Variants in CC2D1A observed in about 807,000 individuals in gnomAD.
The protein encoded by CC2D1A is coiled-coil and C2 domain-containing protein 1A.
A neutral mutation model predicts 123.8 loss-of-function variants in CC2D1A; 68 were observed. The observed-to-expected ratio is 0.55, with a 90% confidence interval of 0.45 to 0.67. The LOEUF is 0.67. CC2D1A is among the 30% of genes least tolerant of loss of function. The pLI is 0.00. For missense variants in CC2D1A, 1,185 were observed against 1,290.3 expected, an observed-to-expected ratio of 0.92 and a Z score of 1.25; for synonymous variants, 477 against 528.0, an observed-to-expected ratio of 0.90 and a Z score of 1.32.
intron 1 of CC2D1A, among the ~76,000 whole-genome samples, chr19:13,908,057 G>C (rs1036241216): frequency 6.6e-6 from 1 of 152,158 alleles, no homozygotes; most frequent in Non-Finnish European, 1.5e-5. Flanking sequence ...CCAGGCTGGA[G>C]TGCAGTGGCG....
chr19:13,907,493 C>G (rs919831748), intron 1 of CC2D1A, among the ~76,000 whole-genome samples: 8 of 151,416 alleles, frequency 5.3e-5, no homozygotes, highest in African/African-American at 1.9e-4. Flanking sequence ...GAGGCCATGG[C>G]GAAACCCCAT....
Position 13,920,844 on chromosome 19 carries a change from G to A in CC2D1A, c.1563G>A (p.Lys521=). The change falls in exon 14 of 29, where the codon AAG becomes AAA. Residue 521 remains lysine, a synonymous_variant. Transcript: ENST00000318003. ...AGAAAAACGACGTGGAGGGTGCCAA[G>A]ATGCACCTGCGCCAAGCCAAGGGAC... The part of the protein sequence containing the change: ...AKQKNDVEGA[K]MHLRQAKGLE... 6.2e-7 allele frequency: 1 copy of A among 1,614,176 alleles called. No homozygotes were observed. The highest frequency in any genetic ancestry group is 2.2e-5 in the East Asian group (1 of 44,874).
rs1481820652 is a variant in CC2D1A at position 13,926,882 on chromosome 19, G to A, written c.2125+10G>A. ...AACACAGACTCCCCTGGTGAGCCTC[G>A]GCTGGAAGCACCCTACCCCTACTCC... is the stretch of plus-strand genomic sequence containing the variant. On this transcript the variant is annotated intron_variant, in intron 20 of 28. Coordinates refer to ENST00000318003, the MANE Select transcript of CC2D1A (RefSeq NM_017721.5). 9 of 1,613,822 alleles carry A rather than the reference G, an allele frequency of 5.6e-6. No homozygotes were observed. The highest frequency in any genetic ancestry group is 4.5e-5 in the East Asian group (2 of 44,882).
chr19:13,918,248 G>A lies in CC2D1A; in HGVS notation c.873+54G>A, dbSNP rs1009362794. ...AGGGATGGGGCAGGATGCTTCCCAC[G>A]TGGCCTGGTGGCAAAGCACCCAAAT... On this transcript the variant is annotated intron_variant, in intron 7 of 28. Transcript: ENST00000318003. 13 of 1,468,718 alleles carry A rather than the reference G, an allele frequency of 8.9e-6. No homozygotes were observed. In the East Asian group the frequency reaches 1.2e-4, roughly 14 times the overall value. The allele number at this position is 1,468,718 out of a possible 1,614,324, so 91.0% of individuals were successfully genotyped here. A position where few individuals can be genotyped will look rare whatever the true frequency, so the allele number is the denominator to read the frequency against.
chr19:13,908,005 TTTTG>T (rs899812890), intron 1 of CC2D1A, among the ~76,000 whole-genome samples: 1 of 152,096 alleles, frequency 6.6e-6, no homozygotes, highest in Non-Finnish European at 1.5e-5. Flanking sequence ...GGGGTTCTTT[TTTTG>T]TTTGTTTGTT....
intron 2 of CC2D1A, among the ~76,000 whole-genome samples, chr19:13,911,874 C>T (rs951514134): frequency 1.4e-4 from 22 of 152,172 alleles, no homozygotes; most frequent in African/African-American, 5.1e-4. Context: ...CGCCAGCATG[C>T]CTGGCTAATT....
intron 2 of CC2D1A, among the ~76,000 whole-genome samples, chr19:13,910,316 A>G (rs568842348): frequency 1.2e-3 from 167 of 142,048 alleles, no homozygotes; most frequent in Middle Eastern, 6.9e-3. Context: ...GCTGAGGCAG[A>G]AGAATGGCGT....
intron 1 of CC2D1A, among the ~76,000 whole-genome samples, chr19:13,909,452 G>A (rs1211014851): frequency 6.6e-6 from 1 of 151,054 alleles, no homozygotes; most frequent in Non-Finnish European, 1.5e-5. Context: ...AGGCTGGTCT[G>A]GAACTCCCAG....
intron 26 of CC2D1A, among the ~76,000 whole-genome samples, 200 bp from the exon 27 acceptor site, chr19:13,929,878 C>T (rs1199432150): frequency 1.6e-5 from 1 of 64,284 alleles, no homozygotes; most frequent in Non-Finnish European, 3.0e-5. Flanking sequence ...GGGAGGGGCT[C>T]GGGGATGGGC....
chr19:13,929,504 G>T (rs2145380735), intron 25 of CC2D1A, 30 bp from the exon 26 acceptor site: 1 of 1,612,486 alleles, frequency 6.2e-7, no homozygotes, highest in East Asian at 2.2e-5. Context: ...GCCCAGGCAG[G>T]ATCCTCACAG....
rs1971369927 is a variant in CC2D1A at position 13,920,434 on chromosome 19, G to A, written c.1357-123G>A. 7.2e-6 allele frequency: 5 copies of A among 695,110 alleles called. No homozygotes were observed. In the East Asian group the frequency reaches 1.4e-4, roughly 19 times the overall value. 43.1% of individuals were successfully genotyped at this position (695,110 alleles called of 1,614,324 possible). On this transcript the variant is annotated intron_variant, in intron 12 of 28. Coordinates refer to ENST00000318003, the MANE Select transcript of CC2D1A (RefSeq NM_017721.5). ...GCCAGGGGCTTTGAGTGAGGCAGGG[G>A]AGTAGCAAAGTCCTGGGAGCCCACT...
At position 13,912,316 on chromosome 19, in the gene CC2D1A, C is replaced by T; in HGVS notation, c.197-7C>T. Reference sequence around the variant, plus strand: ...CTGGTCCACCTGGGGCATCCCCCTACCGCCAGGTCCCTTGCCGATGGAGGC... The same window carrying T: ...CTGGTCCACCTGGGGCATCCCCCTATCGCCAGGTCCCTTGCCGATGGAGGC... On this transcript the variant is annotated splice_polypyrimidine_tract_variant and splice_region_variant and intron_variant, in intron 2 of 28. Transcript: ENST00000318003. 2 of 1,587,862 alleles carry T rather than the reference C, an allele frequency of 1.3e-6. No individual in the cohort carries two copies. The highest frequency in any genetic ancestry group is 1.7e-4 in the Middle Eastern group (1 of 5,942).
chr19:13,913,596 C>A lies in CC2D1A; in HGVS notation c.706C>A (p.Pro236Thr). 2 of 1,613,078 alleles carry A rather than the reference C, an allele frequency of 1.2e-6. No individual in the cohort carries two copies. Among genetic ancestry groups the A allele is most frequent in the Non-Finnish European group, 1.7e-6 (2 of 1,179,452 alleles). Residue 236 changes from proline to threonine, a missense_variant, in exon 6 of 29, where the codon CCA (proline) becomes ACA (threonine). Pro to Thr is a conservative substitution (Grantham distance 38, BLOSUM62 -1). Coordinates refer to ENST00000318003, the MANE Select transcript of CC2D1A (RefSeq NM_017721.5). ...VTLEGPSATA[P>T]ASSPGLAKPQ... ...CCTGGAGGGACCTTCTGCCACCGCC[C>A]CAGCCTCATCTCCAGGCTTGGCTAA...
chr19:13,928,667 C>T (rs111677516), intron 24 of CC2D1A, among the ~76,000 whole-genome samples: 2,615 of 149,988 alleles, frequency 0.017, 87 homozygotes, highest in African/African-American at 0.06. Flanking sequence ...GGGTGGTTCT[C>T]GGCTGTCTCC....
In CC2D1A at chr19:13,923,246, CTCG is replaced by C; in HGVS notation, c.1642-84_1642-82del. ...ACAGAGCCGTGGTCAGGGAATGCCC[CTCG>C]TCAAGGAAGAATGACATTTCTGCAG... is the stretch of plus-strand genomic sequence containing the variant. On this transcript the variant is annotated intron_variant, in intron 14 of 28. Transcript: ENST00000318003. The surrounding 1 kb of genome is among the most constrained non-coding windows in gnomAD (Gnocchi z 5.3). 6.8e-7 allele frequency: 1 copy of C among 1,468,796 alleles called. No homozygotes were observed. The highest frequency in any genetic ancestry group is 9.1e-7 in the Non-Finnish European group (1 of 1,102,888). 91.0% of individuals were successfully genotyped at this position (1,468,796 alleles called of 1,614,324 possible).
intron 12 of CC2D1A, chr19:13,920,266 A>AG: frequency 1.9e-6 from 1 of 520,498 alleles, no homozygotes; most frequent in East Asian, 3.6e-5. Context: ...CAATTAAAAA[A>AG]AAAAAAAAGT....
chr19:13,920,803 G>T lies in CC2D1A; in HGVS notation c.1522G>T (p.Ala508Ser). 1 of 1,614,058 alleles carries T rather than the reference G, an allele frequency of 6.2e-7. No individual in the cohort carries two copies. Among genetic ancestry groups the T allele is most frequent in the South Asian group, 1.1e-5 (1 of 91,078 alleles). The change falls in exon 14 of 29, where the codon GCA becomes TCA. Residue 508 changes from alanine to serine, a missense_variant. Physicochemically the swap from Ala to Ser is moderately conservative, Grantham distance 99. Transcript: ENST00000318003. ...EGRKKQLLQA[A>S]LRAKQKNDVE... is the part of the protein sequence containing the mutation. ...CCGCAAGAAGCAGCTCCTGCAGGCC[G>T]CACTGCGAGCCAAGCAGAAAAACGA...
chr19:13,929,468 A>T (rs1277774878), intron 25 of CC2D1A, 26 bp downstream of exon 25: 2 of 1,612,806 alleles, frequency 1.2e-6, no homozygotes, highest in East Asian at 4.5e-5. Context: ...GCCGGGCTAC[A>T]TGGGGCAGGA....
At chr19:13,914,052 AT>A (rs1396858537) in intron 6 of CC2D1A, among the ~76,000 whole-genome samples, 2 of 150,738 alleles carry the variant, frequency 1.3e-5, no homozygotes, top group Non-Finnish European at 3.0e-5. Context: ...CTAATTTTGT[AT>A]TTTGAGTAGA....
Sources: allele counts gnomAD v4.1 joint callset (sites outside exome capture counted in the v4.1 genomes callset), GRCh38; gene constraint gnomAD v4.1.1; non-coding constraint Gnocchi (gnomAD v3.1); transcripts MANE v1.5; gene names NCBI Gene and HGNC (gene_info 2026-07-23, HGNC 2026-07-21).